The following CMAS variants were observed in gnomAD, a reference collection of about 807,000 sequenced individuals.
CMAS encodes the protein N-acylneuraminate cytidylyltransferase.
CMAS carries 21 observed loss-of-function variants against 53.4 expected under a neutral mutation model. The ratio of observed to expected loss-of-function variants is 0.39; its 90% CI spans 0.28 to 0.57. The LOEUF (loss-of-function observed/expected upper bound fraction) is 0.57. Ranked by LOEUF, CMAS falls within the 20% of genes least tolerant of loss-of-function variation. The pLI is 0.56. For synonymous variants in CMAS, 189 were observed against 195.2 expected (o/e 0.97, Z 0.27); for missense variants, 384 against 534.9 (o/e 0.72, Z 2.78).
chr12:22,062,425 G>T lies in CMAS; in HGVS notation c.1105G>T (p.Ala369Ser). The change falls in exon 7 of 8, where the codon GCA becomes TCA. Residue 369 changes from alanine to serine, a missense_variant. Coordinates refer to ENST00000229329, the MANE Select transcript of CMAS (RefSeq NM_018686.6). ...AATGGGCCTGTGCTGGAAAGAAGTG[G>T]CATATCTTGGTTGGTATCTTTTTAT... ...KEMGLCWKEV[A>S]YLGNEVSDEE... 1 of 1,612,460 alleles carries T rather than the reference G, an allele frequency of 6.2e-7. No homozygotes were observed. Among genetic ancestry groups the T allele is most frequent in the Non-Finnish European group, 8.5e-7 (1 of 1,179,464 alleles).
chr12:22,053,489 TATATATATATATACACACCAA>T (rs1950248649), intron 1 of CMAS, among the ~76,000 whole-genome samples: 5 of 137,476 alleles, frequency 3.6e-5, no homozygotes, highest in South Asian at 2.4e-4. Flanking sequence ...TTTGTGTGTG[TATATATATATATACACACCAA>T]ATATATATAT....
At position 22,065,250 on chromosome 12, in the gene CMAS, G is replaced by A. The variant is rs1219413922; in HGVS notation, c.1244G>A (p.Arg415Gln). 6 of 1,614,022 alleles carry A rather than the reference G, an allele frequency of 3.7e-6. No individual in the cohort carries two copies. The highest frequency in any genetic ancestry group is 4.5e-5 in the East Asian group (2 of 44,878). Residue 415 changes from arginine to glutamine, a missense_variant, in exon 8 of 8, where the codon CGA becomes CAA. Arg to Gln is a conservative substitution (Grantham distance 43). Coordinates refer to ENST00000229329, the MANE Select transcript of CMAS (RefSeq NM_018686.6). ...TGTAATGGTGGCCGTGGTGCCATCC[G>A]AGAATTTGCAGAGCACATTTGCCTA... ...CKCNGGRGAI[R>Q]EFAEHICLLM...
At chr12:22,056,518 G>A (rs1406509593) in intron 3 of CMAS, among the ~76,000 whole-genome samples, 1 of 152,120 alleles carries the variant, frequency 6.6e-6, no homozygotes, top group African/African-American at 2.4e-5. Flanking sequence ...CTTAGTATAG[G>A]TGTCTTATTA....
chr12:22,057,099 C>T (rs1428926618), intron 3 of CMAS, among the ~76,000 whole-genome samples: 1 of 152,068 alleles, frequency 6.6e-6, no homozygotes, highest in African/African-American at 2.4e-5. Flanking sequence ...TTATTTCAAA[C>T]ACTGGGGTGG....
At position 22,062,339 on chromosome 12, in the gene CMAS, A is replaced by T. The variant is rs746771033; in HGVS notation, c.1019A>T (p.Asp340Val). The change falls in exon 7 of 8, where the codon GAT becomes GTT. Residue 340 changes from aspartate to valine, a missense_variant. Physicochemically the swap from Asp to Val is radical, Grantham distance 152 (BLOSUM62 -3). Around this residue, in one of 3 missense-constraint regions of CMAS, gnomAD observed 134 missense variants for 154.6 expected, o/e 0.87. Coordinates refer to ENST00000229329, the MANE Select transcript of CMAS (RefSeq NM_018686.6). ...CAGACGCTGTCTTCTTTAAAACTGGATTGCAAAATGGAAGTCAGTGTATCA... is the reference window on the plus strand; with the variant it reads ...CAGACGCTGTCTTCTTTAAAACTGGTTTGCAAAATGGAAGTCAGTGTATCA... ...SKQTLSSLKL[D>V]CKMEVSVSDK... 8 of 1,610,592 alleles carry T rather than the reference A, an allele frequency of 5.0e-6. No individual in the cohort carries two copies. In the Admixed American group the frequency reaches 1.3e-4, roughly 27 times the overall value.
intron 3 of CMAS, among the ~76,000 whole-genome samples, 187 bp from the exon 4 acceptor site, chr12:22,058,380 G>T (rs192392774): frequency 6.7e-6 from 1 of 149,678 alleles, no homozygotes; most frequent in African/African-American, 2.5e-5. Context: ...AGCCAAGATC[G>T]CACCATTGCA....
At chr12:22,053,815 C>G (rs919384605) in intron 1 of CMAS, among the ~76,000 whole-genome samples, 2 of 149,850 alleles carry the variant, frequency 1.3e-5, no homozygotes, top group Non-Finnish European at 3.0e-5. Flanking sequence ...GGAGGCGGAG[C>G]TTGCAGTGAG....
intron 7 of CMAS, among the ~76,000 whole-genome samples, chr12:22,063,194 A>ATAAC (rs1304123382): frequency 6.6e-6 from 1 of 152,198 alleles, no homozygotes. Context: ...AAGATGCATA[A>ATAAC]TAACTATAAA....
At chr12:22,061,133 T>C in intron 5 of CMAS, 148 bp from the exon 6 acceptor site, 1 of 688,018 alleles carries the variant, frequency 1.5e-6, no homozygotes, top group East Asian at 2.7e-5. Context: ...TACTGTACTA[T>C]ATGTTAAAAT....
intron 7 of CMAS, 40 bp downstream of exon 7, chr12:22,062,474 GAATT>G (rs143225178): frequency 0.2 from 316,489 of 1,578,328 alleles, 40,113 homozygotes; most frequent in East Asian, 0.6. Context: ...AATGGACCAG[GAATT>G]AATTATTTAC....
chr12:22,064,096 G>T (rs533069122), intron 7 of CMAS, among the ~76,000 whole-genome samples: 1 of 151,992 alleles, frequency 6.6e-6, no homozygotes, highest in Non-Finnish European at 1.5e-5. Context: ...TAGTGAAAAC[G>T]ATTCAAATTT....
At chr12:22,060,778 A>G in intron 4 of CMAS, 54 bp from the exon 5 acceptor site, 2 of 978,390 alleles carry the variant, frequency 2.0e-6, no homozygotes, top group Non-Finnish European at 3.3e-6. Flanking sequence ...TAAAGTTTTG[A>G]TATATGTGAA....
chr12:22,054,756 G>A (rs1950257020), intron 1 of CMAS, among the ~76,000 whole-genome samples: 1 of 151,982 alleles, frequency 6.6e-6, no homozygotes, highest in African/African-American at 2.4e-5. Flanking sequence ...AGGTTCAGGG[G>A]TACATCAGGC....
At chr12:22,048,016 C>G (rs1950217700) in intron 1 of CMAS, among the ~76,000 whole-genome samples, 1 of 152,032 alleles carries the variant, frequency 6.6e-6, no homozygotes, top group Non-Finnish European at 1.5e-5. Context: ...ATCAGGAAAC[C>G]CTGTTCAAAC....
intron 4 of CMAS, 146 bp downstream of exon 4, chr12:22,058,846 C>A: frequency 1.1e-6 from 1 of 922,766 alleles, no homozygotes; most frequent in Non-Finnish European, 1.6e-6. Context: ...CATTTGCTAT[C>A]TGAGGCATTT....
chr12:22,059,148 A>ATATAT (rs890745627), intron 4 of CMAS, among the ~76,000 whole-genome samples: 1 of 139,846 alleles, frequency 7.2e-6, no homozygotes, highest in African/African-American at 2.7e-5. Flanking sequence ...ATATATATAT[A>ATATAT]TTTTTTTTTT....
chr12:22,057,240 T>TACACACACACACACACAC (rs71053372), intron 3 of CMAS, among the ~76,000 whole-genome samples: 16 of 118,018 alleles, frequency 1.4e-4, no homozygotes, highest in South Asian at 6.0e-4. Context: ...CACACACACA[T>TACACACACACACACACAC]ACACACACAC....
chr12:22,055,492 A>G lies in CMAS; in HGVS notation c.441A>G (p.Pro147=), dbSNP rs758608423. ...DIVGNIQATS[P]CLHPTDLQKV... ...TAGGAAATATTCAAGCTACTTCTCC[A>G]TGTTTACATCCTACTGATCTTCAAA... The change falls in exon 3 of 8, where the codon CCA becomes CCG. Residue 147 remains proline (P), a synonymous_variant. Transcript: ENST00000229329. 3 of 1,607,094 alleles carry G rather than the reference A, an allele frequency of 1.9e-6. No individual in the cohort carries two copies. Among genetic ancestry groups the G allele is most frequent in the South Asian group, 1.1e-5 (1 of 88,506 alleles).
intron 3 of CMAS, 103 bp downstream of exon 3, chr12:22,055,713 A>C: frequency 1.0e-6 from 1 of 957,000 alleles, no homozygotes; most frequent in East Asian, 2.5e-5. Flanking sequence ...GGAGCTGTAA[A>C]AGAGAGTATT....
Sources: gnomAD v4.1 joint callset for allele counts (sites outside exome capture counted in the v4.1 genomes callset) on GRCh38, gnomAD v4.1.1 for gene constraint, gnomAD v4.1.1 regional missense constraint, MANE v1.5 for transcripts, NCBI Gene and HGNC (gene_info 2026-07-23, HGNC 2026-07-21) for gene names.